Variants in ZBTB20 observed in about 807,000 individuals in gnomAD.
ZBTB20 encodes the protein zinc finger and BTB domain containing 20, also known as zinc finger and BTB domain-containing protein 20.
ZBTB20 carries 9 observed loss-of-function variants against 56.9 expected under a neutral mutation model. That is an observed-to-expected ratio of 0.16 (90% confidence interval 0.10 to 0.28). The LOEUF is 0.28. Among genes scored for constraint, ZBTB20 ranks in the 10% least tolerant of loss-of-function variants. ZBTB20 has a pLI of 1.00. For synonymous variants in ZBTB20, 417 were observed against 420.7 expected, an observed-to-expected ratio of 0.99 and a Z score of 0.11; for missense variants, 655 against 1,003.0, an observed-to-expected ratio of 0.65 and a Z score of 4.69.
At chr3:114,423,283 C>A (rs2089351727) in intron 7 of ZBTB20, among the ~76,000 whole-genome samples, 1 of 152,146 alleles carries the variant, frequency 6.6e-6, no homozygotes, top group Non-Finnish European at 1.5e-5. Context: ...GGAGTTTATA[C>A]TACAGAACAT....
At chr3:114,707,119 T>C (rs1190522578) in intron 5 of ZBTB20, among the ~76,000 whole-genome samples, 1 of 152,186 alleles carries the variant, frequency 6.6e-6, no homozygotes, top group African/African-American at 2.4e-5. Context: ...TTTTCTTTTA[T>C]GCACATTTTA....
chr3:114,739,157 G>A (rs918386012), intron 5 of ZBTB20, among the ~76,000 whole-genome samples: 6 of 152,146 alleles, frequency 3.9e-5, no homozygotes, highest in Admixed American at 2.0e-4. Context: ...CTGCTATAAT[G>A]AAAAATCACA....
chr3:114,897,997 C>T (rs1298003666), intron 4 of ZBTB20, among the ~76,000 whole-genome samples: 1 of 152,050 alleles, frequency 6.6e-6, no homozygotes, highest in East Asian at 1.9e-4. Context: ...CTTGGCTTTA[C>T]CTCTATTTAT....
At chr3:114,504,357 T>C (rs1314276139) in intron 6 of ZBTB20, among the ~76,000 whole-genome samples, 1 of 152,054 alleles carries the variant, frequency 6.6e-6, no homozygotes, top group East Asian at 1.9e-4. Context: ...CTTCCCAAAT[T>C]TGGATATGAG....
At chr3:115,123,198 T>A (rs2084231858) in intron 1 of ZBTB20, among the ~76,000 whole-genome samples, 1 of 152,142 alleles carries the variant, frequency 6.6e-6, no homozygotes, top group Non-Finnish European at 1.5e-5. Flanking sequence ...GGACTCTCAT[T>A]AAACATTAGC....
chr3:114,670,319 G>T (rs1379199876), intron 6 of ZBTB20, among the ~76,000 whole-genome samples: 1 of 152,016 alleles, frequency 6.6e-6, no homozygotes, highest in Non-Finnish European at 1.5e-5. Context: ...AGATACTAGG[G>T]AATCATATCT....
At chr3:114,548,138 T>C (rs995020938) in intron 6 of ZBTB20, among the ~76,000 whole-genome samples, 1 of 152,242 alleles carries the variant, frequency 6.6e-6, no homozygotes, top group Non-Finnish European at 1.5e-5. Flanking sequence ...TGCATGTGCA[T>C]ATTCTCTGCC....
At chr3:115,058,622 A>G (rs1331148066) in intron 2 of ZBTB20, among the ~76,000 whole-genome samples, 1 of 152,086 alleles carries the variant, frequency 6.6e-6, no homozygotes, top group East Asian at 1.9e-4. Flanking sequence ...CCAGCTACTC[A>G]GGAGGTTGAG....
rs1202545331 is a variant in ZBTB20 at position 114,337,124 on chromosome 3, C to T, written c.*1881G>A. On this transcript the variant is annotated 3_prime_UTR_variant, in exon 12 of 12. Transcript: ENST00000675478. The stretch of plus-strand genomic sequence containing the variant: ...ATCTGGGAATTTTTTTGTTAATTTC[C>T]CTAAAACCTTTCGAAGAAGCAAGGG... 1 of 152,048 alleles carries T rather than the reference C, an allele frequency of 6.6e-6. No homozygotes were observed. Among genetic ancestry groups the T allele is most frequent in the African/African-American group, 2.4e-5 (1 of 41,408 alleles). 9.4% of individuals were successfully genotyped at this position (152,048 alleles called of 1,614,324 possible).
chr3:114,761,184 A>G (rs1408068479), intron 5 of ZBTB20, among the ~76,000 whole-genome samples: 1 of 152,202 alleles, frequency 6.6e-6, no homozygotes, highest in Non-Finnish European at 1.5e-5. Context: ...AATTCATTAA[A>G]TATGTATGTA....
chr3:115,090,749 A>G (rs1187738455), intron 1 of ZBTB20, among the ~76,000 whole-genome samples: 1 of 151,870 alleles, frequency 6.6e-6, no homozygotes, highest in Non-Finnish European at 1.5e-5. Context: ...ATTAATCCTT[A>G]CAATAACCTT....
At chr3:114,596,220 C>T (rs894981625) in intron 6 of ZBTB20, among the ~76,000 whole-genome samples, 2 of 152,044 alleles carry the variant, frequency 1.3e-5, no homozygotes, top group African/African-American at 4.8e-5. Context: ...AATATCATAA[C>T]CTAAGCAAAA....
intron 1 of ZBTB20, among the ~76,000 whole-genome samples, chr3:115,136,087 A>G (rs991681289): frequency 6.6e-5 from 10 of 152,090 alleles, no homozygotes; most frequent in African/African-American, 2.4e-4. Context: ...TCCTGAATTG[A>G]TTGTAGTAGA....
intron 5 of ZBTB20, among the ~76,000 whole-genome samples, chr3:114,725,740 C>T (rs766365548): frequency 6.6e-6 from 1 of 152,090 alleles, no homozygotes; most frequent in Non-Finnish European, 1.5e-5. Flanking sequence ...TATTGTGTAA[C>T]AAATAACAGG....
intron 5 of ZBTB20, among the ~76,000 whole-genome samples, chr3:114,740,391 CTG>C (rs1560191857): frequency 6.6e-6 from 1 of 152,114 alleles, no homozygotes; most frequent in Admixed American, 6.5e-5. Context: ...AAAATGTTTC[CTG>C]TGGGTACGAA....
intron 8 of ZBTB20, among the ~76,000 whole-genome samples, chr3:114,381,492 T>C (rs1327792671): frequency 6.6e-6 from 1 of 152,216 alleles, no homozygotes; most frequent in Non-Finnish European, 1.5e-5. Flanking sequence ...ACTGGTTTAT[T>C]AGTAATAGTT....
rs1339049521 is a variant in ZBTB20 at position 115,022,080 on chromosome 3, A to G, written c.-506-47664T>C. Among the ~76,000 whole-genome samples the G allele has an allele frequency of 2.0e-5, 3 of 150,812 alleles. No homozygotes were observed. In the Admixed American group the frequency reaches 2.0e-4, roughly 10 times the overall value. ...GTTCAAAAGATTTGAATCTATTCACATAATAGTTCAGACAATCTCCATTTT... is the reference window on the plus strand; with the variant it reads ...GTTCAAAAGATTTGAATCTATTCACGTAATAGTTCAGACAATCTCCATTTT... On this transcript the variant is annotated intron_variant, in intron 2 of 11. Transcript: ENST00000675478.
intron 2 of ZBTB20, among the ~76,000 whole-genome samples, chr3:115,063,976 A>G (rs1291104857): frequency 6.6e-6 from 1 of 152,128 alleles, no homozygotes; most frequent in Non-Finnish European, 1.5e-5. Flanking sequence ...AGTAGTAACA[A>G]TATTTCCTTC....
intron 4 of ZBTB20, among the ~76,000 whole-genome samples, chr3:114,848,215 C>T (rs935257332): frequency 4.6e-5 from 7 of 152,104 alleles, no homozygotes; most frequent in Non-Finnish European, 1.0e-4. Context: ...CTCCATGCCA[C>T]CACCAACTCA....
Sources: allele counts gnomAD v4.1 joint callset (sites outside exome capture counted in the v4.1 genomes callset), GRCh38; gene constraint gnomAD v4.1.1; transcripts MANE v1.5; gene names NCBI Gene and HGNC (gene_info 2026-07-23, HGNC 2026-07-21).